The following NRF1 variants were observed in gnomAD, a reference collection of about 807,000 sequenced individuals.
The protein encoded by NRF1 is alpha palindromic-binding protein.
In NRF1, 5 loss-of-function variants were observed where a neutral mutation model predicts 58.5. That is an observed-to-expected ratio of 0.09 (90% CI 0.04 to 0.18). The LOEUF (loss-of-function observed/expected upper bound fraction) is 0.18. NRF1 is among the 10% of genes least tolerant of loss of function. NRF1 has a pLI of 1.00. For synonymous variants in NRF1, 224 were observed against 246.7 expected, an observed-to-expected ratio of 0.91 and a Z score of 0.86; for missense variants, 288 against 657.7, an observed-to-expected ratio of 0.44 and a Z score of 6.15.
At chr7:129,753,037 C>T (rs1429714414) in intron 10 of NRF1, among the ~76,000 whole-genome samples, 1 of 152,224 alleles carries the variant, frequency 6.6e-6, no homozygotes, top group East Asian at 1.9e-4. Context: ...AGTCTCACTG[C>T]ATCATCAAAT....
chr7:129,622,810 T>A (rs1170748141), intron 1 of NRF1, among the ~76,000 whole-genome samples: 1 of 152,168 alleles, frequency 6.6e-6, no homozygotes, highest in Non-Finnish European at 1.5e-5. Context: ...CCTCAGGTGA[T>A]CCGCCCACCT....
intron 5 of NRF1, among the ~76,000 whole-genome samples, chr7:129,706,792 G>C (rs1458444517): frequency 6.6e-6 from 1 of 152,076 alleles, no homozygotes; most frequent in Non-Finnish European, 1.5e-5. Context: ...AGGAACTATT[G>C]GTGCAAATAG....
At chr7:129,754,711 C>T (rs1480863831) in intron 10 of NRF1, among the ~76,000 whole-genome samples, 1 of 152,004 alleles carries the variant, frequency 6.6e-6, no homozygotes, top group African/African-American at 2.4e-5. Flanking sequence ...AATGATAAAT[C>T]TTTAAAGAGA....
intron 1 of NRF1, among the ~76,000 whole-genome samples, chr7:129,648,181 T>C (rs1584605728): frequency 6.6e-6 from 1 of 152,204 alleles, no homozygotes; most frequent in African/African-American, 2.4e-5. Context: ...TTTAACTGTT[T>C]TGTTTATAGT....
chr7:129,710,264 AGGTTT>A, intron 6 of NRF1, 105 bp from the exon 7 acceptor site: 1 of 901,580 alleles, frequency 1.1e-6, no homozygotes, highest in South Asian at 1.5e-5. Context: ...GTCTAATAAG[AGGTTT>A]GGTTTGGTTT....
chr7:129,746,459 C>A (rs1803977395), intron 10 of NRF1, among the ~76,000 whole-genome samples: 1 of 152,164 alleles, frequency 6.6e-6, no homozygotes, highest in African/African-American at 2.4e-5. Context: ...TCTTCCACTT[C>A]TATACTGGCA....
chr7:129,649,521 G>T (rs1207416124), intron 1 of NRF1, among the ~76,000 whole-genome samples: 1 of 152,058 alleles, frequency 6.6e-6, no homozygotes, highest in Admixed American at 6.6e-5. Flanking sequence ...TCCATTATGT[G>T]TGGATTAGAC....
intron 5 of NRF1, among the ~76,000 whole-genome samples, chr7:129,701,543 C>T (rs1304622723): frequency 1.3e-5 from 2 of 149,164 alleles, no homozygotes; most frequent in Non-Finnish European, 3.0e-5. Context: ...TGCAGTGAGC[C>T]GAGACCACAC....
At position 129,690,484 on chromosome 7, in the gene NRF1, A is replaced by G. The variant is rs1169431321; in HGVS notation, c.544A>G (p.Asn182Asp). The change falls in exon 5 of 11, where the codon AAC (asparagine) becomes GAC (aspartate). Residue 182 changes from asparagine to aspartate, a missense_variant. Asn to Asp is a conservative substitution (Grantham distance 23). Around this residue, in one of 3 missense-constraint regions of NRF1, gnomAD observed 212 missense variants for 559.7 expected, o/e 0.38. Coordinates refer to ENST00000393232, the MANE Select transcript of NRF1 (RefSeq NM_005011.5). Reference protein sequence around the residue: ...AEHAPAPQEVNSELPPLTIDG... With the variant: ...AEHAPAPQEVDSELPPLTIDG... ...ACACGCCCCTGCGCCACAGGAGGTT[A>G]ACTCAGAACTGCCGCCTCTCACCAT... 1.2e-6 allele frequency: 2 copies of G among 1,614,108 alleles called. No individual in the cohort carries two copies. The highest frequency in any genetic ancestry group is 8.5e-7 in the Non-Finnish European group (1 of 1,180,058).
At chr7:129,626,136 A>G (rs960310929) in intron 1 of NRF1, among the ~76,000 whole-genome samples, 87 of 152,198 alleles carry the variant, frequency 5.7e-4, no homozygotes, top group African/African-American at 1.8e-3. Flanking sequence ...CCTTAATTTT[A>G]AGACAGGGAC....
At chr7:129,636,239 T>C (rs1801166339) in intron 1 of NRF1, among the ~76,000 whole-genome samples, 1 of 152,202 alleles carries the variant, frequency 6.6e-6, no homozygotes, top group Non-Finnish European at 1.5e-5. Flanking sequence ...TGTGGGTTTT[T>C]TTCCTTTTTT....
intron 1 of NRF1, among the ~76,000 whole-genome samples, chr7:129,618,123 T>C (rs966071605): frequency 5.7e-4 from 87 of 152,208 alleles, no homozygotes; most frequent in African/African-American, 1.8e-3. Flanking sequence ...ACATCGATTC[T>C]GGGGATAATT....
intron 5 of NRF1, among the ~76,000 whole-genome samples, chr7:129,693,761 A>G (rs1350006076): frequency 2.0e-5 from 3 of 152,184 alleles, no homozygotes; most frequent in Admixed American, 1.3e-4. Flanking sequence ...ATTTTTATCT[A>G]GTTGATGTGA....
rs188150275 is a variant in NRF1, at chr7:129,612,424, G to A, written c.-7+600G>A. Among the ~76,000 whole-genome samples, 972 of 152,324 alleles carry A rather than the reference G, an allele frequency of 6.4e-3. 11 individuals are homozygous for A. The highest frequency in any genetic ancestry group is 0.022 in the African/African-American group (907 of 41,588). On this transcript the variant is annotated intron_variant, in intron 1 of 10. Transcript: ENST00000393232. ...CCTCCTGCCGGGGTGGCGTGGGCTT[G>A]TTACCCAGGTAGACTGGGGGACGCT...
chr7:129,715,181 C>T (rs1032971262), intron 8 of NRF1, among the ~76,000 whole-genome samples: 2 of 152,232 alleles, frequency 1.3e-5, no homozygotes, highest in Middle Eastern at 3.4e-3. Context: ...AGTTCTGTAC[C>T]CCAGACCAGA....
chr7:129,628,660 A>G (rs1479384822), intron 1 of NRF1, among the ~76,000 whole-genome samples: 1 of 152,190 alleles, frequency 6.6e-6, no homozygotes, highest in Non-Finnish European at 1.5e-5. Context: ...AAAGTATAAA[A>G]AGAAGATCTG....
At chr7:129,730,067 C>T (rs1052525996) in intron 10 of NRF1, among the ~76,000 whole-genome samples, 1 of 152,172 alleles carries the variant, frequency 6.6e-6, no homozygotes, top group East Asian at 1.9e-4. Context: ...TCAGGTGATC[C>T]ACCCACCTCA....
At chr7:129,721,255 A>G (rs543659759) in intron 9 of NRF1, among the ~76,000 whole-genome samples, 1 of 152,110 alleles carries the variant, frequency 6.6e-6, no homozygotes, top group South Asian at 2.1e-4. Context: ...GGCTTTGTAG[A>G]CTTACTCTAC....
chr7:129,702,384 C>T (rs1802846779), intron 5 of NRF1, among the ~76,000 whole-genome samples: 1 of 152,064 alleles, frequency 6.6e-6, no homozygotes, highest in African/African-American at 2.4e-5. Flanking sequence ...TCTGAAGTTA[C>T]GTTGATCTTT....
Sources: allele counts gnomAD v4.1 joint callset (sites outside exome capture counted in the v4.1 genomes callset), GRCh38; gene constraint gnomAD v4.1.1; regional missense constraint gnomAD v4.1.1; transcripts MANE v1.5; gene names NCBI Gene and HGNC (gene_info 2026-07-23, HGNC 2026-07-21).